The following COL15A1 variants were observed in gnomAD, a reference collection of about 807,000 sequenced individuals.
The protein encoded by COL15A1 is collagen type XV alpha 1 chain.
Under a neutral mutation model 165.9 loss-of-function variants are expected in COL15A1, and 111 were observed. The ratio of observed to expected loss-of-function variants is 0.67; its 90% CI spans 0.57 to 0.78. The LOEUF (loss-of-function observed/expected upper bound fraction) is 0.78. Ranked by LOEUF, COL15A1 falls within the 30% of genes least tolerant of loss-of-function variation. The probability of loss-of-function intolerance (pLI) is 0.00; values close to 1 mark genes in which losing one functional copy is unlikely to be tolerated. For synonymous variants in COL15A1, 659 were observed against 674.8 expected (o/e 0.98, Z 0.36); for missense variants, 1,745 against 1,789.7 (o/e 0.98, Z 0.45).
intron 11 of COL15A1, among the ~76,000 whole-genome samples, chr9:99,016,353 T>C (rs1838934929): frequency 6.6e-6 from 1 of 152,244 alleles, no homozygotes; most frequent in South Asian, 2.1e-4. Flanking sequence ...TGTCCCAAAC[T>C]GATCTTTGGA....
Position 99,015,418 on chromosome 9 carries a change from G to T in COL15A1, c.1355G>T (p.Gly452Val), listed in dbSNP as rs1323847402. The T allele has an allele frequency of 1.2e-6, 2 of 1,606,740 alleles. No homozygotes were observed. The highest frequency in any genetic ancestry group is 1.3e-5 in the African/African-American group (1 of 74,852). ...CTCCTCATGCCAATTTCATTTCAGG[G>T]TCCAAGCAGTGAAGACAGTTTAACA... ...AQSLGEEATV[G>V]PSSEDSLTTA... The change falls in exon 10 of 42, where the codon GGT (glycine) becomes GTT (valine). Residue 452 changes from glycine (G) to valine (V), a missense_variant and splice_region_variant. Physicochemically the swap from Gly to Val is moderately radical, Grantham distance 109 (BLOSUM62 -3). Coordinates refer to ENST00000375001, the MANE Select transcript of COL15A1 (RefSeq NM_001855.5).
chr9:99,044,392 G>A (rs1839460989), intron 24 of COL15A1, among the ~76,000 whole-genome samples, 176 bp from the exon 25 acceptor site: 1 of 152,110 alleles, frequency 6.6e-6, no homozygotes, highest in Non-Finnish European at 1.5e-5. Context: ...ACTCTAGTAC[G>A]AGGTAATTTT....
At chr9:99,035,982 G>A (rs1022192949) in intron 19 of COL15A1, among the ~76,000 whole-genome samples, 188 bp from the exon 20 acceptor site, 2 of 152,104 alleles carry the variant, frequency 1.3e-5, no homozygotes, top group Non-Finnish European at 2.9e-5. Flanking sequence ...GGAGAGGGCC[G>A]CTGATTCTCT....
In COL15A1 at chr9:99,059,956, C is replaced by G. The variant is rs202116959; in HGVS notation, c.3402+3C>G. 6.2e-7 allele frequency: 1 copy of G among 1,613,566 alleles called. No individual in the cohort carries two copies. The highest frequency in any genetic ancestry group is 1.7e-5 in the Admixed American group (1 of 59,864). ...GGCTTCCCGGATCCAGAAACCTGGTCAGTATTATCATCAGTGTGTAGTCAT... is the reference window on the plus strand; with the variant it reads ...GGCTTCCCGGATCCAGAAACCTGGTGAGTATTATCATCAGTGTGTAGTCAT... On this transcript the variant is annotated splice_donor_region_variant and intron_variant, in intron 36 of 41. Coordinates refer to ENST00000375001, the MANE Select transcript of COL15A1 (RefSeq NM_001855.5).
intron 10 of COL15A1, 135 bp downstream of exon 10, chr9:99,015,701 G>A: frequency 1.2e-6 from 1 of 863,166 alleles, no homozygotes; most frequent in South Asian, 1.6e-5. Context: ...GCAGCTGCTG[G>A]AGGGAGGCAG....
chr9:98,969,986 C>A (rs539455481), intron 2 of COL15A1, among the ~76,000 whole-genome samples: 2 of 151,504 alleles, frequency 1.3e-5, no homozygotes, highest in East Asian at 3.9e-4. Context: ...ATGCCCAAGC[C>A]ACACCTGAAC....
At chr9:98,978,879 C>T (rs571117857) in intron 2 of COL15A1, among the ~76,000 whole-genome samples, 5 of 152,022 alleles carry the variant, frequency 3.3e-5, no homozygotes, top group Admixed American at 6.6e-5. Flanking sequence ...ACCACTGCCC[C>T]GTTTCTTGTG....
chr9:98,957,466 TTA>T (rs1837795755), intron 2 of COL15A1, among the ~76,000 whole-genome samples: 1 of 152,206 alleles, frequency 6.6e-6, no homozygotes, highest in Non-Finnish European at 1.5e-5. Context: ...TGGTAGTTTG[TTA>T]TAGCAGCATT....
chr9:99,046,751 T>C (rs1484198954), intron 26 of COL15A1, among the ~76,000 whole-genome samples: 1 of 152,186 alleles, frequency 6.6e-6, no homozygotes, highest in Non-Finnish European at 1.5e-5. Context: ...ATGCGGGGGT[T>C]GTGGAATTAC....
At position 99,020,963 on chromosome 9, in the gene COL15A1, C is replaced by T. The variant is rs1038590036; in HGVS notation, c.1701+521C>T. ...ATGATGACCCTGCGGTGTGGGATGA[C>T]GTGAGGGGATGTTTATAGAAGTGCT... On this transcript the variant is annotated intron_variant, in intron 12 of 41. Coordinates refer to ENST00000375001, the MANE Select transcript of COL15A1 (RefSeq NM_001855.5). Among the ~76,000 whole-genome samples, 9 of 152,300 alleles carry T rather than the reference C, an allele frequency of 5.9e-5. No homozygotes were observed. The South Asian group carries it at 6.2e-4, about 11-fold the overall frequency.
chr9:99,056,358 ACCGGGGCCC>A lies in COL15A1; in HGVS notation c.3300_3308del (p.Gly1105_Pro1107del). On this transcript the variant is annotated inframe_deletion, in exon 35 of 42. Coordinates refer to ENST00000375001, the MANE Select transcript of COL15A1 (RefSeq NM_001855.5). ...TTGGAAGACCTGGTGATCCTGGGCC[ACCGGGGCCC>A]CCGGGGCCACCAGGACCTCCAGCTA... is the stretch of plus-strand genomic sequence containing the variant. 1 of 1,613,374 alleles carries A rather than the reference ACCGGGGCCC, an allele frequency of 6.2e-7. No individual in the cohort carries two copies. Among genetic ancestry groups the A allele is most frequent in the Non-Finnish European group, 8.5e-7 (1 of 1,179,944 alleles).
At chr9:99,006,832 G>T (rs1363829003) in intron 9 of COL15A1, among the ~76,000 whole-genome samples, 3 of 152,240 alleles carry the variant, frequency 2.0e-5, no homozygotes, top group Admixed American at 6.5e-5. Flanking sequence ...ATCTGTAGAG[G>T]TGGTGAGGTC....
At chr9:98,951,039 C>T (rs1423546597) in intron 2 of COL15A1, among the ~76,000 whole-genome samples, 1 of 152,152 alleles carries the variant, frequency 6.6e-6, no homozygotes, top group Non-Finnish European at 1.5e-5. Flanking sequence ...CTAACCACCC[C>T]ACTCTTGCTC....
Position 99,051,747 on chromosome 9 carries a change from A to G in COL15A1, c.2905-641A>G, listed in dbSNP as rs184927192. Among the ~76,000 whole-genome samples, 1,145 of 152,314 alleles carry G rather than the reference A, an allele frequency of 7.5e-3. 44 individuals are homozygous for G. Among genetic ancestry groups the G allele is most frequent in the Admixed American group, 0.072 (1,096 of 15,292 alleles). On this transcript the variant is annotated intron_variant, in intron 30 of 41. Coordinates refer to ENST00000375001, the MANE Select transcript of COL15A1 (RefSeq NM_001855.5). ...ACGGATGACTTTGATTCTACACATC[A>G]ATTGGGAAGAAGCCAGGTTTCAAGT...
chr9:99,035,466 A>G, intron 19 of COL15A1, 48 bp downstream of exon 19: 1 of 1,604,156 alleles, frequency 6.2e-7, no homozygotes, highest in East Asian at 2.2e-5. Context: ...ACACTGTCAC[A>G]CTACAGTGAG....
intron 20 of COL15A1, 51 bp from the exon 21 acceptor site, chr9:99,036,262 C>T (rs756526834): frequency 1.3e-5 from 21 of 1,613,364 alleles, no homozygotes; most frequent in Non-Finnish European, 1.7e-5. Flanking sequence ...GTTCTGGGAG[C>T]ATTATCGCTG....
At chr9:99,022,537 C>A (rs1201503552) in intron 13 of COL15A1, among the ~76,000 whole-genome samples, 1 of 152,188 alleles carries the variant, frequency 6.6e-6, no homozygotes, top group Non-Finnish European at 1.5e-5. Flanking sequence ...CCATGTCCCC[C>A]TGAGTCTAGC....
chr9:99,010,971 C>A (rs764582695), intron 9 of COL15A1, among the ~76,000 whole-genome samples: 2 of 149,704 alleles, frequency 1.3e-5, no homozygotes, highest in Non-Finnish European at 3.0e-5. Context: ...CCTTTTAGAT[C>A]TTTAAGATAA....
rs751414270 is a variant in COL15A1, at chr9:99,035,151, C to T, written c.2217C>T (p.Phe739=). ...CTGGATGCACAATGGGACTTGGATT[C>T]GAGGTACTTTTCCCCTTTTCTGTGG... ...PGPGCTMGLG[F]EDTEGSGSTQ... The change falls in exon 18 of 42, where the codon TTC becomes TTT. Residue 739 remains phenylalanine, a synonymous_variant. Coordinates refer to ENST00000375001, the MANE Select transcript of COL15A1 (RefSeq NM_001855.5). 44 of 1,591,874 alleles carry T rather than the reference C, an allele frequency of 2.8e-5. No homozygotes were observed. Among genetic ancestry groups the T allele is most frequent in the Non-Finnish European group, 3.6e-5 (42 of 1,171,660 alleles).
Sources: allele counts gnomAD v4.1 joint callset (sites outside exome capture counted in the v4.1 genomes callset), GRCh38; gene constraint gnomAD v4.1.1; transcripts MANE v1.5; gene names NCBI Gene and HGNC (gene_info 2026-07-23, HGNC 2026-07-21).